MAPK10: variants seen among roughly 807,000 people sequenced by gnomAD.
The protein encoded by MAPK10 is mitogen-activated protein kinase 10, also known as JNK3 alpha protein kinase.
MAPK10 carries 25 observed loss-of-function variants against 59.3 expected under a neutral mutation model. The ratio of observed to expected loss-of-function variants is 0.42; its 90% CI spans 0.31 to 0.59. The LOEUF (loss-of-function observed/expected upper bound fraction) is 0.59, where lower values mean the gene tolerates loss of function less well. Among genes scored for constraint, MAPK10 ranks in the 20% least tolerant of loss-of-function variants. The probability of loss-of-function intolerance (pLI) is 0.15; values close to 1 mark genes in which losing one functional copy is unlikely to be tolerated. For missense variants in MAPK10, 351 were observed against 568.9 expected (o/e 0.62, Z 3.90); for synonymous variants, 190 against 200.5 (o/e 0.95, Z 0.44).
At chr4:86,082,853 A>G (rs1245576647) in intron 9 of MAPK10, among the ~76,000 whole-genome samples, 1 of 152,150 alleles carries the variant, frequency 6.6e-6, no homozygotes, top group African/African-American at 2.4e-5. Flanking sequence ...CAAGTGTCAC[A>G]GGCTTATGGG....
At chr4:86,173,914 CAAT>C (rs2075025184) in intron 3 of MAPK10, among the ~76,000 whole-genome samples, 1 of 127,424 alleles carries the variant, frequency 7.8e-6, no homozygotes, top group Non-Finnish European at 1.7e-5. Flanking sequence ...ATCAAAACCA[CAAT>C]GAGATAACAT....
intron 1 of MAPK10, among the ~76,000 whole-genome samples, chr4:86,569,733 T>C (rs2149107724): frequency 6.6e-6 from 1 of 152,192 alleles, no homozygotes; most frequent in East Asian, 1.9e-4. Context: ...CTCACTTATA[T>C]GTGAGAGCTA....
chr4:86,546,916 C>T (rs536489963), intron 1 of MAPK10, among the ~76,000 whole-genome samples: 4 of 152,036 alleles, frequency 2.6e-5, no homozygotes, highest in Non-Finnish European at 5.9e-5. Context: ...ATTAGCTGGG[C>T]GTGGTGGCGG....
chr4:86,316,312 T>A (rs2095787720), intron 2 of MAPK10, among the ~76,000 whole-genome samples: 1 of 152,188 alleles, frequency 6.6e-6, no homozygotes, highest in Admixed American at 6.5e-5. Flanking sequence ...ATTTATATAT[T>A]TTTTTCTATT....
At chr4:86,121,143 A>C (rs539757338) in intron 4 of MAPK10, among the ~76,000 whole-genome samples, 1 of 152,202 alleles carries the variant, frequency 6.6e-6, no homozygotes, top group Non-Finnish European at 1.5e-5. Context: ...ACATGCAGCT[A>C]TGTCTTAGTC....
chr4:86,163,547 T>A (rs565221581), intron 3 of MAPK10, among the ~76,000 whole-genome samples: 6 of 152,110 alleles, frequency 3.9e-5, no homozygotes, highest in South Asian at 2.1e-4. Flanking sequence ...GAAAAAAAAA[T>A]TCATGTTGAG....
chr4:86,163,385 T>C (rs1319407182), intron 3 of MAPK10, among the ~76,000 whole-genome samples: 1 of 152,158 alleles, frequency 6.6e-6, no homozygotes, highest in Non-Finnish European at 1.5e-5. Context: ...ATATAATTTT[T>C]TCTTTATAAA....
At chr4:86,550,849 G>T (rs1759721619) in intron 1 of MAPK10, among the ~76,000 whole-genome samples, 2 of 152,096 alleles carry the variant, frequency 1.3e-5, no homozygotes, top group South Asian at 4.1e-4. Context: ...GGCTATTTTG[G>T]TATTATGGCA....
intron 1 of MAPK10, among the ~76,000 whole-genome samples, chr4:86,460,849 G>A (rs1751669488): frequency 6.6e-6 from 1 of 152,184 alleles, no homozygotes. Flanking sequence ...ATAATCTATA[G>A]AAACAATGCT....
chr4:86,558,695 AATTT>A (rs1006841745), intron 1 of MAPK10, among the ~76,000 whole-genome samples: 1 of 152,062 alleles, frequency 6.6e-6, no homozygotes, highest in Non-Finnish European at 1.5e-5. Context: ...CCTCTTTGAG[AATTT>A]ATTTTATTGC....
In MAPK10 at chr4:86,159,388, T is replaced by C; in HGVS notation, c.146A>G (p.Tyr49Cys). The stretch of plus-strand genomic sequence containing the variant: ...GGTTGAGTCTCCCACTTCCACACTG[T>C]AGAACTGGTTGTCAACTTTGCTTTT... The part of the protein sequence containing the change: ...MSKSKVDNQF[Y>C]SVEVGDSTFT... The change falls in exon 4 of 14, where the codon TAC (tyrosine) becomes TGC (cysteine). Residue 49 changes from tyrosine to cysteine, a missense_variant. Transcript: ENST00000641462. 1 of 1,612,926 alleles carries C rather than the reference T, an allele frequency of 6.2e-7. No individual in the cohort carries two copies. The highest frequency in any genetic ancestry group is 8.5e-7 in the Non-Finnish European group (1 of 1,179,202).
rs573882457 is a variant in MAPK10 at position 86,206,091 on chromosome 4, A to C, written c.-6-11684T>G. Among the ~76,000 whole-genome samples the C allele has an allele frequency of 5.9e-5, 9 of 151,966 alleles. No homozygotes were observed. The South Asian group carries it at 1.9e-3, about 32-fold the overall frequency. ...TTAAGTTTTAGGGTACATGTGCACA[A>C]TGTGCAGGTTAGTTACATATGTATA... On this transcript the variant is annotated intron_variant, in intron 2 of 13. Coordinates refer to ENST00000641462, the MANE Select transcript of MAPK10 (RefSeq NM_138982.4).
At chr4:86,519,621 T>C (rs1250870829) in intron 1 of MAPK10, among the ~76,000 whole-genome samples, 3 of 152,178 alleles carry the variant, frequency 2.0e-5, no homozygotes, top group Admixed American at 1.3e-4. Context: ...ATCGTTAGTA[T>C]TGAAATGTGA....
At chr4:86,033,490 G>C (rs572778669) in intron 11 of MAPK10, among the ~76,000 whole-genome samples, 1 of 152,206 alleles carries the variant, frequency 6.6e-6, no homozygotes, top group Non-Finnish European at 1.5e-5. Context: ...CATGGCTCAA[G>C]AGTACAGTTC....
chr4:86,194,267 A>T, intron 3 of MAPK10, 69 bp downstream of exon 3: 1 of 1,182,194 alleles, frequency 8.5e-7, no homozygotes, highest in African/African-American at 1.5e-5. Context: ...GAATGTATGC[A>T]AATGGTATGT....
chr4:86,278,914 G>A (rs561164768), intron 2 of MAPK10, among the ~76,000 whole-genome samples: 3 of 152,266 alleles, frequency 2.0e-5, no homozygotes, highest in Admixed American at 6.5e-5. Context: ...TAAGGACATG[G>A]TAAGTAAACA....
rs1242214127 is a variant in MAPK10 at position 86,501,394 on chromosome 4, C to T, written c.-263+92516G>A. On this transcript the variant is annotated intron_variant, in intron 1 of 4. Coordinates refer to the MAPK10 transcript ENST00000502302. ...TTTCTGAACCAAGGAATCATTTACACTATACATTCTAGTCTACAATGTAAA... is the reference window on the plus strand; with the variant it reads ...TTTCTGAACCAAGGAATCATTTACATTATACATTCTAGTCTACAATGTAAA... 2.0e-5 allele frequency among the ~76,000 whole-genome samples: 3 copies of T among 151,888 alleles called. No homozygotes were observed. In the South Asian group the frequency reaches 6.2e-4, roughly 31 times the overall value.
intron 4 of MAPK10, chr4:86,117,741 G>A (rs1344357604): frequency 1.3e-5 from 2 of 152,180 alleles, no homozygotes; most frequent in African/African-American, 4.8e-5. Context: ...GTGGAGATGT[G>A]AGGTTTTCTT....
chr4:86,374,711 T>C lies in MAPK10; in HGVS notation c.-121-20067A>G, dbSNP rs189813557. Among the ~76,000 whole-genome samples, 64 of 152,358 alleles carry C rather than the reference T, an allele frequency of 4.2e-4. No individual in the cohort carries two copies. The East Asian group carries it at 9.6e-3, about 23-fold the overall frequency. On this transcript the variant is annotated intron_variant, in intron 1 of 13. Coordinates refer to the MAPK10 transcript ENST00000361569. The stretch of plus-strand genomic sequence containing the variant: ...CTATAAGGAATGTGACTTCTCCTTT[T>C]TGAGCACAGGCTCTTTAGGCCAACC...
Sources: allele counts gnomAD v4.1 joint callset (sites outside exome capture counted in the v4.1 genomes callset), GRCh38; gene constraint gnomAD v4.1.1; transcripts MANE v1.5; gene names NCBI Gene and HGNC (gene_info 2026-07-23, HGNC 2026-07-21).